MROH2A: variants seen among roughly 807,000 people sequenced by gnomAD.
MROH2A encodes maestro heat-like repeat-containing protein family member 2A.
Under a neutral mutation model 200.4 loss-of-function variants are expected in MROH2A, and 174 were observed. That is an observed-to-expected ratio of 0.87 (90% CI 0.77 to 0.98). The LOEUF is 0.98. MROH2A is among the 50% of genes least tolerant of loss of function. MROH2A has a pLI of 0.00. For synonymous variants in MROH2A, 829 were observed against 840.4 expected, an observed-to-expected ratio of 0.99 and a Z score of 0.23; for missense variants, 2,045 against 2,139.6, an observed-to-expected ratio of 0.96 and a Z score of 0.87.
At position 233,822,162 on chromosome 2, in the gene MROH2A, T is replaced by C; in HGVS notation, c.3551T>C (p.Val1184Ala). ...GTGTGGCTGGCAGTGTCGGAGAACG[T>C]GCCCTTCGCCCGGACCATGCTCCAC... ...AEVWLAVSEN[V>A]PFARTMLHSL... Residue 1184 changes from valine (V) to alanine (A), a missense_variant, in exon 32 of 42, where the codon GTG becomes GCG. By Grantham distance (64) the Val-to-Ala change is moderately conservative. Transcript: ENST00000389758. The C allele has an allele frequency of 6.5e-7, 1 of 1,550,036 alleles. No homozygotes were observed. Among genetic ancestry groups the C allele is most frequent in the Admixed American group, 2.0e-5 (1 of 50,996 alleles).
At chr2:233,793,647 G>A in intron 6 of MROH2A, 26 bp from the exon 7 acceptor site, 4 of 1,352,686 alleles carry the variant, frequency 3.0e-6, no homozygotes, top group Non-Finnish European at 3.8e-6. Flanking sequence ...CTGGCGCCAA[G>A]TGCATTCCCC....
upstream of MROH2A, among the ~76,000 whole-genome samples, chr2:233,777,821 A>C (rs1700754278): frequency 6.6e-6 from 1 of 152,224 alleles, no homozygotes; most frequent in Non-Finnish European, 1.5e-5. Context: ...TCTCCTAGCT[A>C]TAAATGACAG....
upstream of MROH2A, among the ~76,000 whole-genome samples, chr2:233,778,125 G>C (rs1317824542): frequency 6.6e-6 from 1 of 152,128 alleles, no homozygotes; most frequent in Non-Finnish European, 1.5e-5. Flanking sequence ...TTCCCAAACA[G>C]GCCCCTGTAC....
chr2:233,829,544 A>G, intron 37 of MROH2A, 76 bp from the exon 38 acceptor site: 1 of 1,318,472 alleles, frequency 7.6e-7, no homozygotes, highest in Non-Finnish European at 9.8e-7. Flanking sequence ...GGCATTGGGT[A>G]TTCCTTGGAG....
At chr2:233,787,965 A>T (rs866260667) in intron 3 of MROH2A, among the ~76,000 whole-genome samples, 21 of 68,360 alleles carry the variant, frequency 3.1e-4, no homozygotes, top group African/African-American at 6.7e-4. Flanking sequence ...TACATATATT[A>T]TATATACATA....
intron 11 of MROH2A, among the ~76,000 whole-genome samples, chr2:233,796,970 A>G (rs1296069891): frequency 1.3e-5 from 2 of 152,234 alleles, no homozygotes; most frequent in Non-Finnish European, 2.9e-5. Flanking sequence ...TTACCTATTC[A>G]ATGAATAGAG....
At chr2:233,776,542 T>C (rs760580434), upstream of MROH2A, among the ~76,000 whole-genome samples, 4 of 151,926 alleles carry the variant, frequency 2.6e-5, no homozygotes, top group Non-Finnish European at 5.9e-5. Flanking sequence ...TTGTATTTTT[T>C]AGTAGAGACA....
Position 233,827,250 on chromosome 2 carries a change from T to C in MROH2A, c.4114-1380T>C, listed in dbSNP as rs1056175923. ...TATACCCAAAGGAATATAATCATTCTATTACAAAGATATATGCATGTGTAT... is the reference window on the plus strand; with the variant it reads ...TATACCCAAAGGAATATAATCATTCCATTACAAAGATATATGCATGTGTAT... On this transcript the variant is annotated intron_variant, in intron 35 of 41. Transcript: ENST00000389758. Among the ~76,000 whole-genome samples the C allele has an allele frequency of 3.3e-5, 5 of 152,242 alleles. 1 individual carries two copies. Among genetic ancestry groups the C allele is most frequent in the African/African-American group, 1.2e-4 (5 of 41,470 alleles).
At chr2:233,831,115 G>A (rs1241123855) in intron 38 of MROH2A, among the ~76,000 whole-genome samples, 3 of 152,218 alleles carry the variant, frequency 2.0e-5, no homozygotes, top group Non-Finnish European at 4.4e-5. Flanking sequence ...TCCCGCCTCT[G>A]ATCCCATGGA....
In MROH2A at chr2:233,787,802, T is replaced by TA. The variant is rs573788720; in HGVS notation, c.277-1695_277-1694insA. Among the ~76,000 whole-genome samples the TA allele has an allele frequency of 2.0e-4, 2 of 10,256 alleles. 1 individual carries two copies. The highest frequency in any genetic ancestry group is 1.5e-3 in the African/African-American group (2 of 1,316). 6.7% of individuals were successfully genotyped at this position (10,256 alleles called of 152,430 possible). ...TTATATATATCATATATAATATATA[T>TA]TATATATATTATATATAATATATAT... On this transcript the variant is annotated intron_variant, in intron 3 of 41. Transcript: ENST00000389758.
chr2:233,832,547 C>T (rs935096190), intron 40 of MROH2A, 32 bp from the exon 41 acceptor site: 23 of 1,450,638 alleles, frequency 1.6e-5, no homozygotes, highest in South Asian at 7.3e-5. Context: ...CTAATACTCG[C>T]GTGATGAGCA....
At chr2:233,805,389 AT>A (rs958166507) in intron 19 of MROH2A, among the ~76,000 whole-genome samples, 7 of 152,260 alleles carry the variant, frequency 4.6e-5, no homozygotes, top group African/African-American at 1.7e-4. Context: ...ATTCTAAAAC[AT>A]TTTTGAAAGA....
In MROH2A at chr2:233,807,822, G is replaced by A. The variant is rs750239180; in HGVS notation, c.2262G>A (p.Glu754=). Reference sequence around the variant, plus strand: ...ATGACTTCGAGGAGAGGATCCAGGAGTCAGAGCAGTCCTGGCAGATCAGTG... The same window carrying A: ...ATGACTTCGAGGAGAGGATCCAGGAATCAGAGCAGTCCTGGCAGATCAGTG... ...VLHDFEERIQ[E]SEQSWQISAW... Residue 754 remains glutamate, a synonymous_variant, in exon 21 of 42, where the codon GAG becomes GAA. Coordinates refer to ENST00000389758, the MANE Select transcript of MROH2A (RefSeq NM_001394639.1). This position sits in a 1 kb window ranked among gnomAD's most constrained non-coding sequence, Gnocchi z 4.3. The A allele has an allele frequency of 3.7e-5, 58 of 1,551,010 alleles. No homozygotes were observed. In the African/African-American group the frequency reaches 6.8e-4, roughly 18 times the overall value.
chr2:233,779,875 G>A lies in MROH2A; in HGVS notation c.276+23G>A, dbSNP rs186135159. Reference sequence around the variant, plus strand: ...GAGGTAGGGCCATCTTACCCACTGGGCTCAGCCACCTTTAGCTCTGTGTGC... The same window carrying A: ...GAGGTAGGGCCATCTTACCCACTGGACTCAGCCACCTTTAGCTCTGTGTGC... On this transcript the variant is annotated intron_variant, in intron 3 of 41. Coordinates refer to ENST00000389758, the MANE Select transcript of MROH2A (RefSeq NM_001394639.1). The A allele has an allele frequency of 1.0e-3, 1,557 of 1,541,892 alleles. 37 individuals carry two copies. In the East Asian group the frequency reaches 0.029, roughly 28 times the overall value.
Position 233,809,180 on chromosome 2 carries a change from AG to A in MROH2A, c.2351del (p.Ser784ThrfsTer42), listed in dbSNP as rs1702993375. On this transcript the variant is annotated frameshift_variant, in exon 22 of 42. Coordinates refer to ENST00000389758, the MANE Select transcript of MROH2A (RefSeq NM_001394639.1). LOFTEE classifies it high-confidence loss of function. ...TVKSALMVMY[S>X]CVASYCHPQL... ...GAAAAGTGCCCTCATGGTGATGTAT[AG>A]CTGCGTGGCCTCCTACTGCCACCCC... 1 of 1,550,426 alleles carries A rather than the reference AG, an allele frequency of 6.4e-7. No individual in the cohort carries two copies. Among genetic ancestry groups the A allele is most frequent in the Non-Finnish European group, 8.7e-7 (1 of 1,146,978 alleles).
intron 28 of MROH2A, among the ~76,000 whole-genome samples, chr2:233,818,439 A>T (rs1703697700): frequency 2.6e-5 from 4 of 152,118 alleles, no homozygotes; most frequent in African/African-American, 9.7e-5. Flanking sequence ...GCTGAGTTCA[A>T]GGGAGAGCAG....
intron 5 of MROH2A, among the ~76,000 whole-genome samples, chr2:233,791,367 G>T (rs1282771090): frequency 1.3e-5 from 2 of 152,164 alleles, no homozygotes; most frequent in African/African-American, 4.8e-5. Context: ...GAGGACGGGG[G>T]AAGGAGCAGA....
chr2:233,818,103 G>C lies in MROH2A; in HGVS notation c.3063G>C (p.Leu1021=). 6.4e-7 allele frequency: 1 copy of C among 1,550,836 alleles called. No homozygotes were observed. Among genetic ancestry groups the C allele is most frequent in the Non-Finnish European group, 8.7e-7 (1 of 1,147,058 alleles). ...QRTRMASMNV[L]SSLLDLHASQ... Reference sequence around the variant, plus strand: ...CCCGCATGGCCTCAATGAATGTCCTGTCCAGCCTGCTAGATCTTCACGGTA... The same window carrying C: ...CCCGCATGGCCTCAATGAATGTCCTCTCCAGCCTGCTAGATCTTCACGGTA... The change falls in exon 28 of 42, where the codon CTG becomes CTC. Residue 1021 remains leucine (L), a synonymous_variant. Transcript: ENST00000389758.
Position 233,789,949 on chromosome 2 carries a change from T to A in MROH2A, c.506T>A (p.Leu169His). Residue 169 changes from leucine to histidine, a missense_variant, in exon 5 of 42, where the codon CTC becomes CAC. By Grantham distance (99) the Leu-to-His change is moderately conservative. Around this residue, in one of 3 missense-constraint regions of MROH2A, gnomAD observed 831 missense variants for 800.0 expected, o/e 1.04. Transcript: ENST00000389758. ...GTCATGTACGAGCTGCAGCACCACC[T>A]CAAGCCCCTCAACCTCACTGATGAA... ...SLVMYELQHH[L>H]KPLNLTDEFV... is the part of the protein sequence containing the mutation. 8.4e-6 allele frequency: 13 copies of A among 1,550,490 alleles called. No individual in the cohort carries two copies. Among genetic ancestry groups the A allele is most frequent in the Non-Finnish European group, 1.1e-5 (13 of 1,146,936 alleles).
Sources: allele counts gnomAD v4.1 joint callset (sites outside exome capture counted in the v4.1 genomes callset), GRCh38; gene constraint gnomAD v4.1.1; regional missense constraint gnomAD v4.1.1; non-coding constraint Gnocchi (gnomAD v3.1); transcripts MANE v1.5; gene names NCBI Gene and HGNC (gene_info 2026-07-23, HGNC 2026-07-21).